The following LUC7L2 variants were observed in gnomAD, a reference collection of about 807,000 sequenced individuals.
LUC7L2 encodes putative RNA-binding protein Luc7-like 2.
A neutral mutation model predicts 52.8 loss-of-function variants in LUC7L2; 25 were observed. That is an observed-to-expected ratio of 0.47 (90% CI 0.34 to 0.66). The LOEUF is 0.66. Ranked by LOEUF, LUC7L2 falls within the 30% of genes least tolerant of loss-of-function variation. The probability of loss-of-function intolerance (pLI) is 0.01; values close to 1 mark genes in which losing one functional copy is unlikely to be tolerated. For missense variants in LUC7L2, 328 were observed against 497.8 expected, an observed-to-expected ratio of 0.66 and a Z score of 3.25; for synonymous variants, 144 against 160.9, an observed-to-expected ratio of 0.89 and a Z score of 0.80.
At chr7:139,407,569 T>C (rs41274206) in intron 6 of LUC7L2, among the ~76,000 whole-genome samples, 3,018 of 152,310 alleles carry the variant, frequency 0.02, 33 homozygotes, top group South Asian at 0.051. Context: ...TACCATTTTA[T>C]ATTAGATATG....
intron 2 of LUC7L2, among the ~76,000 whole-genome samples, chr7:139,393,506 C>G (rs555073549): frequency 1.5e-4 from 23 of 152,162 alleles, no homozygotes; most frequent in African/African-American, 4.3e-4. Flanking sequence ...GGCTGGAGTG[C>G]ACGATCTCAG....
chr7:139,388,370 C>G (rs28579232), intron 2 of LUC7L2, among the ~76,000 whole-genome samples: 58,441 of 151,652 alleles, frequency 0.39, 15,729 homozygotes, highest in African/African-American at 0.77. Flanking sequence ...AGGTTTGGAG[C>G]TGGAACATAT....
rs1794324904 is a variant in LUC7L2 at position 139,389,187 on chromosome 7, TG to T, written c.157-9410del. On this transcript the variant is annotated intron_variant, in intron 2 of 9. Transcript: ENST00000354926. ...TTTCTTGCCCTTTGTCTCTTTCTTCTGGTCAATCCATCTAGTGTTAATGGTT... is the reference window on the plus strand; with the variant it reads ...TTTCTTGCCCTTTGTCTCTTTCTTCTGTCAATCCATCTAGTGTTAATGGTT... Among the ~76,000 whole-genome samples the T allele has an allele frequency of 2.6e-5, 4 of 152,174 alleles. No homozygotes were observed. The South Asian group carries it at 8.3e-4, about 32-fold the overall frequency.
intron 2 of LUC7L2, among the ~76,000 whole-genome samples, chr7:139,390,881 G>T (rs943642649): frequency 2.0e-5 from 3 of 152,192 alleles, no homozygotes; most frequent in Non-Finnish European, 4.4e-5. Flanking sequence ...TTAAGTACAG[G>T]AGAATAAAGC....
chr7:139,371,258 A>G (rs1309351429), intron 1 of LUC7L2: 1 of 615,272 alleles, frequency 1.6e-6, no homozygotes, highest in Non-Finnish European at 2.9e-6. Flanking sequence ...GTTTTTGTAA[A>G]TTGCTTGCCA....
At chr7:139,367,947 A>C (rs1800248504) in intron 1 of LUC7L2, among the ~76,000 whole-genome samples, 1 of 152,214 alleles carries the variant, frequency 6.6e-6, no homozygotes, top group South Asian at 2.1e-4. Context: ...AATGCTAGGG[A>C]AAGTGGCTGT....
intron 3 of LUC7L2, 72 bp from the exon 4 acceptor site, chr7:139,402,065 G>C (rs1385900169): frequency 1.4e-6 from 2 of 1,445,886 alleles, no homozygotes. Flanking sequence ...AGCAAAGTGT[G>C]ATTTTTGTAT....
intron 2 of LUC7L2, among the ~76,000 whole-genome samples, chr7:139,396,129 G>T (rs1215253154): frequency 1.3e-5 from 2 of 152,150 alleles, no homozygotes; most frequent in Non-Finnish European, 1.5e-5. Flanking sequence ...TCTACCTTCA[G>T]AAAGCTTTGA....
intron 1 of LUC7L2, among the ~76,000 whole-genome samples, chr7:139,362,843 A>G (rs534424860): frequency 6.6e-6 from 1 of 152,108 alleles, no homozygotes; most frequent in South Asian, 2.1e-4. Context: ...AGTTCCTTTT[A>G]AAATTCATTG....
At chr7:139,400,498 C>G (rs909220303) in intron 3 of LUC7L2, among the ~76,000 whole-genome samples, 11 of 152,160 alleles carry the variant, frequency 7.2e-5, no homozygotes, top group Non-Finnish European at 1.6e-4. Context: ...CAGAGCGAGA[C>G]TCTGTCTCAA....
intron 2 of LUC7L2, among the ~76,000 whole-genome samples, chr7:139,395,072 T>C (rs1794601514): frequency 6.6e-6 from 1 of 152,250 alleles, no homozygotes; most frequent in African/African-American, 2.4e-5. Context: ...TTTCCAACTG[T>C]GACATCTTGC....
intron 2 of LUC7L2, among the ~76,000 whole-genome samples, chr7:139,390,757 C>T (rs970227363): frequency 2.6e-5 from 4 of 151,748 alleles, no homozygotes; most frequent in Non-Finnish European, 1.5e-5. Flanking sequence ...GGGATTTCAC[C>T]GTGTTAGCCA....
At chr7:139,405,855 T>C in intron 5 of LUC7L2, 68 bp downstream of exon 5, 1 of 1,499,668 alleles carries the variant, frequency 6.7e-7, no homozygotes, top group South Asian at 1.4e-5. Context: ...AAGTAGTAGA[T>C]GAAACTTCAG....
At chr7:139,391,844 C>T (rs1431934073) in intron 2 of LUC7L2, among the ~76,000 whole-genome samples, 2 of 152,094 alleles carry the variant, frequency 1.3e-5, no homozygotes, top group African/African-American at 4.8e-5. Context: ...GCCTCAGGCT[C>T]CCATAGTGCT....
At chr7:139,398,329 C>A (rs1794749656) in intron 2 of LUC7L2, among the ~76,000 whole-genome samples, 1 of 152,094 alleles carries the variant, frequency 6.6e-6, no homozygotes, top group African/African-American at 2.4e-5. Context: ...TAGAAGCTAG[C>A]TTTTTTCAGA....
Position 139,378,784 on chromosome 7 carries a change from T to C in LUC7L2, c.156+2628T>C, listed in dbSNP as rs144722743. Among the ~76,000 whole-genome samples, 549 of 152,286 alleles carry C rather than the reference T, an allele frequency of 3.6e-3. 3 individuals are homozygous for C. Among genetic ancestry groups the C allele is most frequent in the African/African-American group, 0.013 (523 of 41,552 alleles). On this transcript the variant is annotated intron_variant, in intron 2 of 9. Transcript: ENST00000354926. Reference sequence around the variant, plus strand: ...TGTACATAGGGTGAACTGTTAAGTTTTTCAGGTCCTTAAGGACACCATTGT... The same window carrying C: ...TGTACATAGGGTGAACTGTTAAGTTCTTCAGGTCCTTAAGGACACCATTGT...
chr7:139,398,401 T>G (rs1322863022), intron 2 of LUC7L2, among the ~76,000 whole-genome samples, 198 bp from the exon 3 acceptor site: 1 of 152,210 alleles, frequency 6.6e-6, no homozygotes, highest in Non-Finnish European at 1.5e-5. Flanking sequence ...TTCCCATCTG[T>G]TGGTAGACAA....
intron 4 of LUC7L2, among the ~76,000 whole-genome samples, chr7:139,404,077 T>C (rs1356092166): frequency 6.6e-6 from 1 of 152,206 alleles, no homozygotes. Context: ...AAATACCATT[T>C]GGTAGAGAGG....
intron 2 of LUC7L2, among the ~76,000 whole-genome samples, chr7:139,384,179 G>C (rs780599230): frequency 6.6e-6 from 1 of 152,126 alleles, no homozygotes; most frequent in Non-Finnish European, 1.5e-5. Context: ...TATTATTTAA[G>C]GGTTTAAGTA....
Sources: gnomAD v4.1 joint callset for allele counts (sites outside exome capture counted in the v4.1 genomes callset) on GRCh38, gnomAD v4.1.1 for gene constraint, MANE v1.5 for transcripts, NCBI Gene and HGNC (gene_info 2026-07-23, HGNC 2026-07-21) for gene names.